The following ZNF737 variants were observed in gnomAD, a reference collection of about 807,000 sequenced individuals.
The protein encoded by ZNF737 is zinc finger protein 102 (Y3).
Under a neutral mutation model 11.7 loss-of-function variants are expected in ZNF737, and 13 were observed. That is an observed-to-expected ratio of 1.11 (90% CI 0.73 to 1.77). ZNF737 has a LOEUF of 1.77. Ranked by LOEUF, ZNF737 falls within the 40% of genes most tolerant of loss-of-function variation. ZNF737 has a pLI of 0.00. For synonymous variants in ZNF737, 217 were observed against 216.2 expected (o/e 1.00, Z -0.03); for missense variants, 636 against 638.0 (o/e 1.00, Z 0.03).
At chr19:20,560,146 C>G (rs1969033083) in intron 1 of ZNF737, among the ~76,000 whole-genome samples, 3 of 135,576 alleles carry the variant, frequency 2.2e-5, no homozygotes, top group South Asian at 4.9e-4. Flanking sequence ...GCAGTCCGGC[C>G]TGGGCGACAG....
chr19:20,531,009 C>G (rs142122455), downstream of ZNF737, among the ~76,000 whole-genome samples: 8 of 147,964 alleles, frequency 5.4e-5, no homozygotes, highest in South Asian at 2.2e-4. Context: ...GCGGATCACT[C>G]GCGGTTAGGA....
Position 20,557,980 on chromosome 19 carries a change from T to C in ZNF737, c.4-4145A>G, listed in dbSNP as rs116967394. 7.9e-5 allele frequency among the ~76,000 whole-genome samples: 12 copies of C among 152,124 alleles called. No homozygotes were observed. In the East Asian group the frequency reaches 1.5e-3, roughly 20 times the overall value. ...AGCAAGGTAAAAGAAATAGAAATTA[T>C]ATGGCCAGGAGTGGTGGCTGATGCC... On this transcript the variant is annotated intron_variant, in intron 1 of 3. Coordinates refer to ENST00000427401, the MANE Select transcript of ZNF737 (RefSeq NM_001159293.2).
intron 1 of ZNF737, among the ~76,000 whole-genome samples, chr19:20,557,611 T>A (rs1162472177): frequency 3.2e-5 from 4 of 124,982 alleles, no homozygotes; most frequent in African/African-American, 1.3e-4. Context: ...TAAGGTTTTC[T>A]AGGGTAATTT....
At chr19:20,557,414 T>C (rs1555761462) in intron 1 of ZNF737, among the ~76,000 whole-genome samples, 1 of 149,044 alleles carries the variant, frequency 6.7e-6, no homozygotes, top group East Asian at 2.0e-4. Context: ...TGGCTCAGGG[T>C]GAGGACCCTA....
At chr19:20,545,999 A>G in intron 3 of ZNF737, 23 bp from the exon 4 acceptor site, 1 of 1,527,768 alleles carries the variant, frequency 6.5e-7, no homozygotes, top group Non-Finnish European at 8.7e-7. Flanking sequence ...ATAAAAGCAC[A>G]TTACTTCAAT....
At chr19:20,557,448 A>G (rs1968929353) in intron 1 of ZNF737, among the ~76,000 whole-genome samples, 1 of 148,126 alleles carries the variant, frequency 6.8e-6, no homozygotes, top group Non-Finnish European at 1.5e-5. Flanking sequence ...TCTCTATGTC[A>G]CTGCAGTACT....
chr19:20,556,959 G>T (rs1555761326), intron 1 of ZNF737, among the ~76,000 whole-genome samples: 4 of 152,172 alleles, frequency 2.6e-5, no homozygotes, highest in Non-Finnish European at 5.9e-5. Context: ...AAAGGGCCCA[G>T]CATTTTTATT....
Position 20,541,269 on chromosome 19 carries a change from A to G in ZNF737, c.*3323T>C. On this transcript the variant is annotated 3_prime_UTR_variant, in exon 4 of 4. Coordinates refer to ENST00000427401, the MANE Select transcript of ZNF737 (RefSeq NM_001159293.2). ...TGTACAAACCTATACTCACACAAAA[A>G]CACTCAATTCATAATTTTCTTACAC... 1.0e-6 allele frequency: 1 copy of G among 984,662 alleles called. No individual in the cohort carries two copies. The highest frequency in any genetic ancestry group is 1.2e-6 in the Non-Finnish European group (1 of 829,230). 61.0% of individuals were successfully genotyped at this position (984,662 alleles called of 1,614,324 possible).
Position 20,541,098 on chromosome 19 carries a change from A to G in ZNF737, c.*3494T>C, listed in dbSNP as rs1226496697. 5 of 984,534 alleles carry G rather than the reference A, an allele frequency of 5.1e-6. No individual in the cohort carries two copies. The East Asian group carries it at 4.5e-4, about 89-fold the overall frequency. 61.0% of individuals were successfully genotyped at this position (984,534 alleles called of 1,614,324 possible). ...GCAGACTCTGGGGAGAATCCGAATC[A>G]CAGGCCAGAACATTTTATATTAATA... On this transcript the variant is annotated 3_prime_UTR_variant, in exon 4 of 4. Coordinates refer to ENST00000427401, the MANE Select transcript of ZNF737 (RefSeq NM_001159293.2).
intron 3 of ZNF737, 52 bp from the exon 4 acceptor site, chr19:20,546,028 A>C: frequency 1.3e-6 from 2 of 1,512,222 alleles, no homozygotes; most frequent in Non-Finnish European, 1.8e-6. Flanking sequence ...TCAGATAAAT[A>C]TACTTTACAG....
downstream of ZNF737, among the ~76,000 whole-genome samples, chr19:20,536,975 T>C (rs956572359): frequency 1.3e-5 from 2 of 151,248 alleles, no homozygotes; most frequent in Non-Finnish European, 3.0e-5. Context: ...TGGTGGCGGG[T>C]GCCTGTAGTC....
rs181818555 is a variant in ZNF737 at position 20,547,759 on chromosome 19, T to C, written c.227-1783A>G. Among the ~76,000 whole-genome samples the C allele has an allele frequency of 2.3e-3, 352 of 152,216 alleles. 1 individual carries two copies. Among genetic ancestry groups the C allele is most frequent in the African/African-American group, 8.2e-3 (341 of 41,534 alleles). ...ATCAACTTACACCCATTAGGTGCAA[T>C]AAAAATAAAACCCATGTTGATTGCT... is the stretch of plus-strand genomic sequence containing the variant. On this transcript the variant is annotated intron_variant, in intron 3 of 3. Transcript: ENST00000427401.
chr19:20,532,085 G>T (rs1176839590), downstream of ZNF737, among the ~76,000 whole-genome samples: 2 of 150,158 alleles, frequency 1.3e-5, no homozygotes, highest in Admixed American at 1.3e-4. Flanking sequence ...TGAAAAGAAA[G>T]TCATGTAACA....
At chr19:20,532,610 A>AC (rs1568418562), downstream of ZNF737, among the ~76,000 whole-genome samples, 1 of 148,372 alleles carries the variant, frequency 6.7e-6, no homozygotes, top group East Asian at 2.0e-4. Context: ...ACCATATTAC[A>AC]TTTTTTCATA....
chr19:20,552,673 A>G, intron 2 of ZNF737, 103 bp from the exon 3 acceptor site: 1 of 682,404 alleles, frequency 1.5e-6, no homozygotes, highest in Non-Finnish European at 2.2e-6. Flanking sequence ...ATAGTAAATT[A>G]ATACCAAAAT....
Position 20,541,300 on chromosome 19 carries a change from G to T in ZNF737, c.*3292C>A, listed in dbSNP as rs1968195443. 2 of 983,888 alleles carry T rather than the reference G, an allele frequency of 2.0e-6. No individual in the cohort carries two copies. The highest frequency in any genetic ancestry group is 4.7e-5 in the South Asian group (1 of 21,194). The allele number at this position is 983,888 out of a possible 1,614,324, so 60.9% of individuals were successfully genotyped here. ...AATTCATAATTTTCTTACACCTCAG[G>T]TTTATCTTCAGAGTAATATGTGTAT... is the stretch of plus-strand genomic sequence containing the variant. On this transcript the variant is annotated 3_prime_UTR_variant, in exon 4 of 4. Coordinates refer to ENST00000427401, the MANE Select transcript of ZNF737 (RefSeq NM_001159293.2).
At position 20,542,757 on chromosome 19, in the gene ZNF737, A is replaced by G. The variant is rs1968266935; in HGVS notation, c.*1835T>C. The stretch of plus-strand genomic sequence containing the variant: ...CATTTTAATGTTCTTACTATTTTAT[A>G]GAAAAAGTCATAATGTCCAAATAAT... On this transcript the variant is annotated 3_prime_UTR_variant, in exon 4 of 4. Coordinates refer to ENST00000427401, the MANE Select transcript of ZNF737 (RefSeq NM_001159293.2). 2 of 984,740 alleles carry G rather than the reference A, an allele frequency of 2.0e-6. No individual in the cohort carries two copies. Among genetic ancestry groups the G allele is most frequent in the Non-Finnish European group, 2.4e-6 (2 of 829,472 alleles). The allele number at this position is 984,740 out of a possible 1,614,324, so 61.0% of individuals were successfully genotyped here. A position where few individuals can be genotyped will look rare whatever the true frequency, so the allele number is the denominator to read the frequency against.
rs782594191 is a variant in ZNF737 at position 20,544,954 on chromosome 19, T to C, written c.1249A>G (p.Ile417Val). The C allele has an allele frequency of 1.2e-6, 2 of 1,612,902 alleles. No homozygotes were observed. The highest frequency in any genetic ancestry group is 1.1e-5 in the South Asian group (1 of 90,916). ...AAGGGTTGCTGTCCAGTATGGATTATCTTATGTGTAGTAAGGGAAGAGGAG... is the reference window on the plus strand; with the variant it reads ...AAGGGTTGCTGTCCAGTATGGATTACCTTATGTGTAGTAAGGGAAGAGGAG... ...KYSSSLTTHK[I>V]IHTGQQPFKC... The change falls in exon 4 of 4, where the codon ATA (isoleucine) becomes GTA (valine). Residue 417 changes from isoleucine (I) to valine (V), a missense_variant. Ile to Val is a conservative substitution (Grantham distance 29, BLOSUM62 3). Transcript: ENST00000427401.
chr19:20,545,801 G>A lies in ZNF737; in HGVS notation c.402C>T (p.Asn134=), dbSNP rs782573590. 5 of 1,613,056 alleles carry A rather than the reference G, an allele frequency of 3.1e-6. No homozygotes were observed. Among genetic ancestry groups the A allele is most frequent in the Non-Finnish European group, 4.2e-6 (5 of 1,179,642 alleles). Residue 134 remains asparagine (N), a synonymous_variant, in exon 4 of 4, where the codon AAC becomes AAT. Coordinates refer to ENST00000427401, the MANE Select transcript of ZNF737 (RefSeq NM_001159293.2). ...KVHKRGYNGL[N]QYLTTTQSKI... Reference sequence around the variant, plus strand: ...TGCTTTGAGTAGTTGTCAAATATTGGTTAAGTCCATTATAACCTCTTTTGT... The same window carrying A: ...TGCTTTGAGTAGTTGTCAAATATTGATTAAGTCCATTATAACCTCTTTTGT...
Sources: gnomAD v4.1 joint callset for allele counts (sites outside exome capture counted in the v4.1 genomes callset) on GRCh38, gnomAD v4.1.1 for gene constraint, MANE v1.5 for transcripts, NCBI Gene and HGNC (gene_info 2026-07-23, HGNC 2026-07-21) for gene names.